The following CPNE4 variants were observed in gnomAD, a reference collection of about 807,000 sequenced individuals.
CPNE4 encodes copine-4.
In CPNE4, 25 loss-of-function variants were observed where a neutral mutation model predicts 67.9. The ratio of observed to expected loss-of-function variants is 0.37; its 90% confidence interval spans 0.27 to 0.51. The LOEUF (loss-of-function observed/expected upper bound fraction) is 0.51, where lower values mean the gene tolerates loss of function less well. Ranked by LOEUF, CPNE4 falls within the 20% of genes least tolerant of loss-of-function variation. CPNE4 has a pLI of 0.93. For synonymous variants in CPNE4, 242 were observed against 244.9 expected (o/e 0.99, Z 0.11); for missense variants, 464 against 690.8 (o/e 0.67, Z 3.68).
At chr3:131,876,513 G>T (rs1205752526) in intron 2 of CPNE4, among the ~76,000 whole-genome samples, 2 of 149,366 alleles carry the variant, frequency 1.3e-5, no homozygotes, top group African/African-American at 4.9e-5. Context: ...GTGGTGGCGG[G>T]CGCCTGTAGT....
chr3:131,662,956 T>C (rs1482641638), intron 7 of CPNE4, among the ~76,000 whole-genome samples: 1 of 152,136 alleles, frequency 6.6e-6, no homozygotes, highest in African/African-American at 2.4e-5. Context: ...GCAATCCTGT[T>C]ACAGGTATAT....
chr3:131,792,695 A>G (rs13094194), intron 2 of CPNE4, among the ~76,000 whole-genome samples: 6,534 of 51,388 alleles, frequency 0.13, 220 homozygotes, highest in East Asian at 0.18. Context: ...GTGTATATAT[A>G]CATATACACA....
chr3:131,716,896 AC>A (rs2081706502), intron 3 of CPNE4, among the ~76,000 whole-genome samples: 1 of 152,234 alleles, frequency 6.6e-6, no homozygotes, highest in Admixed American at 6.5e-5. Context: ...CACCATGTAC[AC>A]GTCAGCACTA....
At position 131,543,018 on chromosome 3, in the gene CPNE4, C is replaced by G. The variant is rs886262964; in HGVS notation, c.1303-225G>C. On this transcript the variant is annotated intron_variant, in intron 14 of 15. Transcript: ENST00000429747. ...TATAGCTTAATTATAATAACTACCT[C>G]ACTGACAGTTACAAAGAAAGAGCAG... 5.9e-6 allele frequency: 3 copies of G among 508,702 alleles called. No homozygotes were observed. In the Admixed American group the frequency reaches 1.0e-4, roughly 18 times the overall value. The allele number at this position is 508,702 out of a possible 1,614,324, so 31.5% of individuals were successfully genotyped here.
At chr3:131,680,902 G>A (rs893267678) in intron 6 of CPNE4, among the ~76,000 whole-genome samples, 1 of 152,168 alleles carries the variant, frequency 6.6e-6, no homozygotes, top group Non-Finnish European at 1.5e-5. Context: ...CCACCTGTAA[G>A]TGAGAACATA....
At chr3:131,676,699 C>A (rs1474869774) in intron 6 of CPNE4, among the ~76,000 whole-genome samples, 1 of 152,116 alleles carries the variant, frequency 6.6e-6, no homozygotes, top group Non-Finnish European at 1.5e-5. Flanking sequence ...CATGTCCTTG[C>A]AAAAACATGA....
chr3:131,700,054 C>CTTTTTTTTTTTTTTTTTGTT (rs2081256252), intron 3 of CPNE4, 74 bp from the exon 4 acceptor site: 1 of 236,166 alleles, frequency 4.2e-6, no homozygotes, highest in Non-Finnish European at 7.5e-6. Context: ...TTTTTTAAAC[C>CTTTTTTTTTTTTTTTTTGTT]TTTTTTTTTT....
At chr3:131,589,851 T>C (rs995749021) in intron 7 of CPNE4, among the ~76,000 whole-genome samples, 3 of 152,168 alleles carry the variant, frequency 2.0e-5, no homozygotes, top group Non-Finnish European at 4.4e-5. Flanking sequence ...ATGGAAGAGA[T>C]TAAGACAAAA....
intron 2 of CPNE4, among the ~76,000 whole-genome samples, chr3:131,869,296 T>C (rs2087096364): frequency 6.6e-6 from 1 of 152,210 alleles, no homozygotes; most frequent in Non-Finnish European, 1.5e-5. Context: ...GCTTAGCTTG[T>C]AGTGTTGTGC....
intron 2 of CPNE4, among the ~76,000 whole-genome samples, chr3:131,845,719 A>T (rs72989513): frequency 0.035 from 5,267 of 152,292 alleles, 232 homozygotes; most frequent in African/African-American, 0.099. Flanking sequence ...ATAAATCAAT[A>T]AAAAATCAAT....
chr3:131,782,641 A>G (rs1194334151), intron 2 of CPNE4, among the ~76,000 whole-genome samples: 1 of 152,132 alleles, frequency 6.6e-6, no homozygotes. Flanking sequence ...TGGTGAAAAA[A>G]TGGCAACAGA....
intron 1 of CPNE4, among the ~76,000 whole-genome samples, chr3:132,029,765 G>A (rs1455044165): frequency 6.6e-6 from 1 of 152,224 alleles, no homozygotes; most frequent in African/African-American, 2.4e-5. Flanking sequence ...TAGAAATACT[G>A]TGTTCTGAGC....
chr3:131,719,467 C>T (rs935880410), intron 3 of CPNE4, among the ~76,000 whole-genome samples: 1 of 152,200 alleles, frequency 6.6e-6, no homozygotes, highest in Non-Finnish European at 1.5e-5. Flanking sequence ...TCTCAGTGCT[C>T]ACTTCCACAC....
intron 3 of CPNE4, among the ~76,000 whole-genome samples, chr3:131,705,512 G>C (rs116114059): frequency 0.017 from 2,582 of 152,270 alleles, 41 homozygotes; most frequent in African/African-American, 0.045. Context: ...TTCATTAATA[G>C]GTAAAAGTTG....
In CPNE4 at chr3:131,831,794, A is replaced by G. The variant is rs367921112; in HGVS notation, c.180+73470T>C. Among the ~76,000 whole-genome samples, 55 of 152,224 alleles carry G rather than the reference A, an allele frequency of 3.6e-4. 2 individuals carry two copies. The South Asian group carries it at 0.011, about 30-fold the overall frequency. ...GTTAGTGCGGACTTTGTCATTCAATATTTGGATTTCAATGCTGACCTCCTC... is the reference window on the plus strand; with the variant it reads ...GTTAGTGCGGACTTTGTCATTCAATGTTTGGATTTCAATGCTGACCTCCTC... On this transcript the variant is annotated intron_variant, in intron 2 of 15. Coordinates refer to ENST00000429747, the MANE Select transcript of CPNE4 (RefSeq NM_130808.3).
intron 1 of CPNE4, among the ~76,000 whole-genome samples, chr3:132,008,959 G>A (rs2073677447): frequency 6.6e-6 from 1 of 152,168 alleles, no homozygotes; most frequent in South Asian, 2.1e-4. Context: ...CTTAAAACCT[G>A]CTCTGTGACC....
At chr3:131,807,534 G>A (rs1471016378) in intron 2 of CPNE4, among the ~76,000 whole-genome samples, 1 of 152,000 alleles carries the variant, frequency 6.6e-6, no homozygotes, top group Non-Finnish European at 1.5e-5. Flanking sequence ...AAACAATGTA[G>A]TAGTGAATGT....
chr3:131,890,421 AT>A (rs1221384236), intron 2 of CPNE4, among the ~76,000 whole-genome samples: 62 of 147,796 alleles, frequency 4.2e-4, no homozygotes, highest in Admixed American at 2.6e-3. Flanking sequence ...AGGCATTATT[AT>A]TTTTTTTTTA....
intron 2 of CPNE4, among the ~76,000 whole-genome samples, chr3:131,744,713 A>G (rs1278398471): frequency 6.6e-6 from 1 of 152,200 alleles, no homozygotes; most frequent in Non-Finnish European, 1.5e-5. Context: ...ATTAGCTTTT[A>G]TTACTCAACA....
Sources: allele counts gnomAD v4.1 joint callset (sites outside exome capture counted in the v4.1 genomes callset), GRCh38; gene constraint gnomAD v4.1.1; transcripts MANE v1.5; gene names NCBI Gene and HGNC (gene_info 2026-07-23, HGNC 2026-07-21).